Variants in FKBP5 observed in about 807,000 individuals in gnomAD.
FKBP5 encodes the protein peptidyl-prolyl cis-trans isomerase FKBP5.
FKBP5 carries 23 observed loss-of-function variants against 50.5 expected under a neutral mutation model. The ratio of observed to expected loss-of-function variants is 0.46; its 90% confidence interval spans 0.33 to 0.65. FKBP5 has a LOEUF of 0.65. FKBP5 is among the 30% of genes least tolerant of loss of function. The pLI, the probability that FKBP5 is intolerant of heterozygous loss-of-function variation, is 0.02. For missense variants in FKBP5, 411 were observed against 553.1 expected, an observed-to-expected ratio of 0.74 and a Z score of 2.58; for synonymous variants, 176 against 190.6, an observed-to-expected ratio of 0.92 and a Z score of 0.63.
chr6:35,712,918 A>G (rs1041489198), intron 2 of FKBP5, among the ~76,000 whole-genome samples: 1 of 151,860 alleles, frequency 6.6e-6, no homozygotes, highest in African/African-American at 2.4e-5. Flanking sequence ...AGCAAAACTA[A>G]TTTTATCCCA....
intron 7 of FKBP5, among the ~76,000 whole-genome samples, chr6:35,589,036 T>C (rs1054236233): frequency 1.4e-5 from 2 of 147,414 alleles, no homozygotes; most frequent in Non-Finnish European, 3.0e-5. Context: ...CCACCATGCC[T>C]GGAATATAAG....
intron 1 of FKBP5, among the ~76,000 whole-genome samples, chr6:35,728,075 G>A (rs1766757323): frequency 6.6e-6 from 1 of 152,196 alleles, no homozygotes; most frequent in African/African-American, 2.4e-5. Flanking sequence ...GAGGAGGCTG[G>A]TGTGAGCGCC....
intron 1 of FKBP5, among the ~76,000 whole-genome samples, chr6:35,725,870 G>C (rs1766699758): frequency 6.6e-6 from 1 of 152,130 alleles, no homozygotes; most frequent in Admixed American, 6.5e-5. Context: ...AGGTTCCTTC[G>C]AGGTTGGCCC....
At chr6:35,701,248 GTT>G (rs552906381) in intron 2 of FKBP5, among the ~76,000 whole-genome samples, 1 of 139,364 alleles carries the variant, frequency 7.2e-6, no homozygotes, top group Non-Finnish European at 1.6e-5. Flanking sequence ...TTGTTTTTTT[GTT>G]TTTTTTTTTT....
intron 2 of FKBP5, among the ~76,000 whole-genome samples, chr6:35,699,451 G>A (rs559377496): frequency 6.6e-6 from 1 of 152,288 alleles, no homozygotes; most frequent in South Asian, 2.1e-4. Flanking sequence ...GTTATCTGGG[G>A]ACGACCAAGG....
chr6:35,700,470 A>G (rs1461674780), intron 2 of FKBP5, among the ~76,000 whole-genome samples: 2 of 152,228 alleles, frequency 1.3e-5, no homozygotes, highest in East Asian at 3.9e-4. Context: ...GCCATGGCTC[A>G]GTCTATCACA....
chr6:35,707,030 A>C (rs974142756), intron 2 of FKBP5, among the ~76,000 whole-genome samples: 1 of 152,172 alleles, frequency 6.6e-6, no homozygotes, highest in African/African-American at 2.4e-5. Flanking sequence ...TTAAAGTCCC[A>C]GTGGAACTTT....
intron 5 of FKBP5, among the ~76,000 whole-genome samples, chr6:35,610,305 A>T (rs1311286888): frequency 6.6e-6 from 1 of 152,040 alleles, no homozygotes; most frequent in Non-Finnish European, 1.5e-5. Flanking sequence ...GGTGGTTCAC[A>T]CCTATAATCT....
intron 5 of FKBP5, among the ~76,000 whole-genome samples, chr6:35,615,401 A>G (rs2150974903): frequency 6.6e-6 from 1 of 152,148 alleles, no homozygotes; most frequent in Non-Finnish European, 1.5e-5. Flanking sequence ...GGGCAGGAAA[A>G]TTTTAAGATG....
chr6:35,575,310 C>T lies in FKBP5; in HGVS notation c.*525G>A, dbSNP rs891089374. On this transcript the variant is annotated 3_prime_UTR_variant, in exon 11 of 11. Transcript: ENST00000357266. ...CTGTGGAACTGGGGAGACATGAGACCCCTCTACTGTGGGTTCTGTTGGTTA... is the reference window on the plus strand; with the variant it reads ...CTGTGGAACTGGGGAGACATGAGACTCCTCTACTGTGGGTTCTGTTGGTTA... 24 of 153,552 alleles carry T rather than the reference C, an allele frequency of 1.6e-4. No homozygotes were observed. The highest frequency in any genetic ancestry group is 1.2e-3 in the Admixed American group (18 of 15,442). The allele number at this position is 153,552 out of a possible 1,614,324, so 9.5% of individuals were successfully genotyped here.
intron 2 of FKBP5, among the ~76,000 whole-genome samples, chr6:35,639,302 T>A (rs939030291): frequency 6.6e-6 from 1 of 152,202 alleles, no homozygotes; most frequent in Non-Finnish European, 1.5e-5. Flanking sequence ...TAAATTGCCC[T>A]AGCTTGCACA....
chr6:35,670,521 G>A (rs1192463616), intron 1 of FKBP5, among the ~76,000 whole-genome samples: 1 of 151,654 alleles, frequency 6.6e-6, no homozygotes, highest in African/African-American at 2.4e-5. Context: ...ATCACTTGAG[G>A]TTAGAAGTTC....
At chr6:35,643,920 TG>T (rs1764561781) in intron 1 of FKBP5, among the ~76,000 whole-genome samples, 1 of 152,186 alleles carries the variant, frequency 6.6e-6, no homozygotes, top group South Asian at 2.1e-4. Flanking sequence ...CCTTTGAGAA[TG>T]GTAAGACAAA....
chr6:35,717,074 T>C (rs1188086672), intron 2 of FKBP5, among the ~76,000 whole-genome samples: 1 of 152,048 alleles, frequency 6.6e-6, no homozygotes, highest in Admixed American at 6.6e-5. Flanking sequence ...CCCCCCGCCA[T>C]CCCTATTCCT....
At chr6:35,629,823 G>A (rs1054371028) in intron 3 of FKBP5, among the ~76,000 whole-genome samples, 2 of 152,150 alleles carry the variant, frequency 1.3e-5, no homozygotes, top group African/African-American at 2.4e-5. Flanking sequence ...AAAGTACCAG[G>A]AAAAACCAAA....
Position 35,696,168 on chromosome 6 carries a change from A to C in FKBP5, c.-20+24160T>G, listed in dbSNP as rs906396913. Among the ~76,000 whole-genome samples the C allele has an allele frequency of 1.3e-4, 20 of 149,442 alleles. No individual in the cohort carries two copies. The Middle Eastern group carries it at 0.017, about 129-fold the overall frequency. On this transcript the variant is annotated intron_variant, in intron 2 of 11. Coordinates refer to the FKBP5 transcript ENST00000536438. ...TCAAAAAAAAAAAAAAAAAAAAGAC[A>C]GTCTTTAGTGGAATGTATGCAGAGG...
chr6:35,701,043 C>T (rs915648368), intron 2 of FKBP5, among the ~76,000 whole-genome samples: 6 of 152,072 alleles, frequency 3.9e-5, no homozygotes, highest in Admixed American at 6.5e-5. Context: ...GCAACAAATA[C>T]TTTTTTTAGT....
Position 35,575,932 on chromosome 6 carries a change from T to G in FKBP5, c.1277A>C (p.Asn426Thr), listed in dbSNP as rs553805456. The change falls in exon 11 of 11, where the codon AAT (asparagine) becomes ACT (threonine). Residue 426 changes from asparagine to threonine, a missense_variant. Transcript: ENST00000357266. ...TGAAGTCTTCTTGCCCATTGCTTTA[T>G]TGGCCTCTTCCTAAGGAAGAAATAA... Reference protein sequence around the residue: ...FAEQDAKEEANKAMGKKTSEG... With the variant: ...FAEQDAKEEATKAMGKKTSEG... 1.2e-6 allele frequency: 2 copies of G among 1,609,162 alleles called. No individual in the cohort carries two copies. Among genetic ancestry groups the G allele is most frequent in the South Asian group, 2.2e-5 (2 of 90,974 alleles).
At chr6:35,582,784 G>A (rs1372500780) in intron 8 of FKBP5, 4 of 985,162 alleles carry the variant, frequency 4.1e-6, no homozygotes, top group African/African-American at 3.5e-5. Flanking sequence ...TTTTCTTTCT[G>A]TCACTGCCTT....
Sources: allele counts gnomAD v4.1 joint callset (sites outside exome capture counted in the v4.1 genomes callset), GRCh38; gene constraint gnomAD v4.1.1; transcripts MANE v1.5; gene names NCBI Gene and HGNC (gene_info 2026-07-23, HGNC 2026-07-21).